Variants in TACR1 observed in about 807,000 individuals in gnomAD.
TACR1 encodes substance-P receptor.
In TACR1, 25 loss-of-function variants were observed where a neutral mutation model predicts 35.8. That is an observed-to-expected ratio of 0.70 (90% CI 0.51 to 0.98). TACR1 has a LOEUF of 0.98. TACR1 is among the 50% of genes least tolerant of loss of function. The probability of loss-of-function intolerance (pLI) is 0.00; values close to 1 mark genes in which losing one functional copy is unlikely to be tolerated. For synonymous variants in TACR1, 195 were observed against 206.7 expected, an observed-to-expected ratio of 0.94 and a Z score of 0.48; for missense variants, 478 against 522.9, an observed-to-expected ratio of 0.91 and a Z score of 0.84.
intron 1 of TACR1, among the ~76,000 whole-genome samples, chr2:75,160,622 C>CA (rs1277011100): frequency 6.7e-6 from 1 of 150,142 alleles, no homozygotes; most frequent in Non-Finnish European, 1.5e-5. Flanking sequence ...AGGTAAATTG[C>CA]AAAAAAGCAA....
rs902020574 is a variant in TACR1, at chr2:75,199,268, C to A, written c.-334G>T. 2.3e-5 allele frequency: 6 copies of A among 263,694 alleles called. No homozygotes were observed. The highest frequency in any genetic ancestry group is 4.4e-5 in the Non-Finnish European group (6 of 136,702). The allele number at this position is 263,694 out of a possible 1,614,324, so 16.3% of individuals were successfully genotyped here. A position where few individuals can be genotyped will look rare whatever the true frequency, so the allele number is the denominator to read the frequency against. On this transcript the variant is annotated 5_prime_UTR_variant, in exon 1 of 5. Transcript: ENST00000305249. Reference sequence around the variant, plus strand: ...GTCACAGTTCTAGGAAGCAAGAGATCCCCCGCATTTATGCACCTGCTGCTG... The same window carrying A: ...GTCACAGTTCTAGGAAGCAAGAGATACCCCGCATTTATGCACCTGCTGCTG...
intron 1 of TACR1, chr2:75,154,401 A>AGCGCGCGC (rs142809732): frequency 0.011 from 804 of 76,352 alleles, 71 homozygotes; most frequent in Non-Finnish European, 0.014. Context: ...ATCAGCCAAG[A>AGCGCGCGC]GCGCGCACGC....
At position 75,120,582 on chromosome 2, in the gene TACR1, A is replaced by T. The variant is rs201688433; in HGVS notation, c.576T>A (p.Tyr192Ter). 60 of 1,601,402 alleles carry T rather than the reference A, an allele frequency of 3.7e-5. No homozygotes were observed. The highest frequency in any genetic ancestry group is 4.8e-5 in the Non-Finnish European group (56 of 1,171,774). The change falls in exon 2 of 5, where the codon TAT (tyrosine) becomes TAA (stop). Residue 192 changes from tyrosine (Y) to a stop codon, truncating the protein, a stop_gained. Coordinates refer to ENST00000305249, the MANE Select transcript of TACR1 (RefSeq NM_001058.4). LOFTEE classifies it high-confidence loss of function. ...GAGTCATCTCTACTCACACTTTCTCATAAATCTTGTTCGGATGCTCTGGCC... is the reference window on the plus strand; with the variant it reads ...GAGTCATCTCTACTCACACTTTCTCTTAAATCTTGTTCGGATGCTCTGGCC... ...IEWPEHPNKIYEKVYHICVTV... is the reference protein window; with the variant it reads ...IEWPEHPNKI
intron 2 of TACR1, among the ~76,000 whole-genome samples, chr2:75,105,944 G>T (rs1034542489): frequency 6.6e-6 from 1 of 151,946 alleles, no homozygotes. Flanking sequence ...GTAATGTGGC[G>T]TCCCGGATGG....
At chr2:75,154,401 A>AGGGCGCGCGCGCGC (rs1553380901) in intron 1 of TACR1, 1 of 76,444 alleles carries the variant, frequency 1.3e-5, no homozygotes, top group Non-Finnish European at 2.7e-5. Context: ...ATCAGCCAAG[A>AGGGCGCGCGCGCGC]GCGCGCACGC....
At chr2:75,150,894 G>C (rs941925678) in intron 1 of TACR1, among the ~76,000 whole-genome samples, 6 of 152,230 alleles carry the variant, frequency 3.9e-5, no homozygotes, top group African/African-American at 1.4e-4. Context: ...GGTGGTCTCA[G>C]ATGGAGATGA....
At chr2:75,067,980 G>A (rs1174563483) in intron 2 of TACR1, among the ~76,000 whole-genome samples, 1 of 152,180 alleles carries the variant, frequency 6.6e-6, no homozygotes, top group Non-Finnish European at 1.5e-5. Flanking sequence ...GCAAGCCTGG[G>A]CCCCGGTAAG....
intron 2 of TACR1, among the ~76,000 whole-genome samples, chr2:75,109,078 T>G (rs1389711837): frequency 2.6e-5 from 4 of 152,092 alleles, no homozygotes; most frequent in Non-Finnish European, 2.9e-5. Flanking sequence ...GGGAAAACAA[T>G]TTTAAGGAAC....
intron 1 of TACR1, among the ~76,000 whole-genome samples, chr2:75,186,540 C>T (rs976129623): frequency 1.1e-4 from 17 of 150,854 alleles, no homozygotes; most frequent in Admixed American, 2.0e-4. Context: ...TAATATTTTA[C>T]GATTTATTTA....
chr2:75,126,513 A>G (rs1674075518), intron 1 of TACR1, among the ~76,000 whole-genome samples: 1 of 152,220 alleles, frequency 6.6e-6, no homozygotes, highest in African/African-American at 2.4e-5. Flanking sequence ...AAAGACTTGA[A>G]TGTGAAACCC....
In TACR1 at chr2:75,154,450, A is replaced by ACACACTCT. The variant is rs1362786009; in HGVS notation, c.390-33683_390-33682insAGAGTGTG. On this transcript the variant is annotated intron_variant, in intron 1 of 4. Coordinates refer to ENST00000305249, the MANE Select transcript of TACR1 (RefSeq NM_001058.4). ...CACACACACACACACACACACACACACTCTGAAGAAACCCAGTGGAGATTC... is the reference window on the plus strand; with the variant it reads ...CACACACACACACACACACACACACACACACTCTCTCTGAAGAAACCCAGTGGAGATTC... 6.3e-3 allele frequency: 560 copies of ACACACTCT among 89,202 alleles called. 47 individuals are homozygous for ACACACTCT. Among genetic ancestry groups the ACACACTCT allele is most frequent in the African/African-American group, 0.018 (401 of 22,888 alleles). 5.5% of individuals were successfully genotyped at this position (89,202 alleles called of 1,614,324 possible).
chr2:75,163,013 A>C (rs1675049388), intron 1 of TACR1, among the ~76,000 whole-genome samples: 1 of 152,238 alleles, frequency 6.6e-6, no homozygotes, highest in South Asian at 2.1e-4. Context: ...AAGTCTAACC[A>C]ACAAAATGTG....
At chr2:75,165,637 G>A (rs1230999707) in intron 1 of TACR1, among the ~76,000 whole-genome samples, 1 of 152,056 alleles carries the variant, frequency 6.6e-6, no homozygotes, top group Non-Finnish European at 1.5e-5. Context: ...TCAGAGCATT[G>A]GGCCACTGGA....
intron 1 of TACR1, chr2:75,188,824 A>C (rs972990400): frequency 6.6e-6 from 1 of 152,228 alleles, no homozygotes; most frequent in Non-Finnish European, 1.5e-5. Context: ...CCTTCTTTAT[A>C]AGAGTACAGG....
intron 2 of TACR1, among the ~76,000 whole-genome samples, chr2:75,064,004 G>A (rs914958767): frequency 3.3e-5 from 5 of 152,062 alleles, no homozygotes; most frequent in African/African-American, 1.2e-4. Context: ...AGCATGACAT[G>A]CATGATGAAG....
At chr2:75,173,899 A>AT (rs1675348930) in intron 1 of TACR1, among the ~76,000 whole-genome samples, 1 of 152,074 alleles carries the variant, frequency 6.6e-6, no homozygotes, top group African/African-American at 2.4e-5. Context: ...ACTCTGCTCC[A>AT]TTTTTTCTGA....
intron 2 of TACR1, among the ~76,000 whole-genome samples, chr2:75,068,611 T>G (rs768600): frequency 0.25 from 37,711 of 152,088 alleles, 6,000 homozygotes; most frequent in African/African-American, 0.42. Context: ...TCTTTTAAAT[T>G]CTTTACATAT....
chr2:75,121,942 G>A (rs547065876), intron 1 of TACR1, among the ~76,000 whole-genome samples: 3 of 152,262 alleles, frequency 2.0e-5, no homozygotes, highest in East Asian at 1.9e-4. Flanking sequence ...TTCTTTTACT[G>A]TATTCTTTGG....
intron 1 of TACR1, chr2:75,154,326 G>C (rs1393779520): frequency 6.6e-6 from 1 of 151,820 alleles, no homozygotes; most frequent in African/African-American, 2.4e-5. Flanking sequence ...TCACAAGGAA[G>C]GACTGCTTTG....
Sources: allele counts gnomAD v4.1 joint callset (sites outside exome capture counted in the v4.1 genomes callset), GRCh38; gene constraint gnomAD v4.1.1; transcripts MANE v1.5; gene names NCBI Gene and HGNC (gene_info 2026-07-23, HGNC 2026-07-21).